Variants in PPARGC1A observed in about 807,000 individuals in gnomAD.
The protein encoded by PPARGC1A is PPARG coactivator 1 alpha.
In PPARGC1A, 25 loss-of-function variants were observed where a neutral mutation model predicts 88.7. The observed-to-expected ratio is 0.28, with a 90% CI of 0.21 to 0.39. PPARGC1A has a LOEUF of 0.39. PPARGC1A is among the 10% of genes least tolerant of loss of function. The pLI, the probability that PPARGC1A is intolerant of heterozygous loss-of-function variation, is 1.00. For missense variants in PPARGC1A, 880 were observed against 968.7 expected, an observed-to-expected ratio of 0.91 and a Z score of 1.22; for synonymous variants, 363 against 355.6, an observed-to-expected ratio of 1.02 and a Z score of -0.24.
At chr4:24,325,547 C>G in the PPARGC1A span, among the ~76,000 whole-genome samples, 3 of 152,156 alleles carry the variant, frequency 2.0e-5, no homozygotes, top group Non-Finnish European at 4.4e-5. Flanking sequence ...CCTCCTAAGC[C>G]TTGTCCCATC....
At chr4:23,986,478 G>A in the PPARGC1A span, among the ~76,000 whole-genome samples, 3 of 152,066 alleles carry the variant, frequency 2.0e-5, no homozygotes, top group Non-Finnish European at 4.4e-5. Flanking sequence ...GCCAGCTTAC[G>A]CAGTCAGCAC....
chr4:24,224,012 T>C, the PPARGC1A span, among the ~76,000 whole-genome samples: 11 of 152,224 alleles, frequency 7.2e-5, no homozygotes, highest in Non-Finnish European at 1.6e-4. Context: ...TTCTTATTGA[T>C]GATAAGCCAA....
chr4:24,428,124 CA>C, the PPARGC1A span, among the ~76,000 whole-genome samples: 477 of 136,674 alleles, frequency 3.5e-3, 2 homozygotes, highest in East Asian at 8.1e-3. Flanking sequence ...ACCCTGTCTC[CA>C]AAAAAAAAAA....
chr4:23,900,045 C>A (rs577151622), upstream of PPARGC1A, among the ~76,000 whole-genome samples: 1 of 152,030 alleles, frequency 6.6e-6, no homozygotes, highest in Non-Finnish European at 1.5e-5. Context: ...GTCCAACTTA[C>A]CTCCTTAAAG....
At chr4:24,403,809 A>ATC in the PPARGC1A span, among the ~76,000 whole-genome samples, 2 of 151,792 alleles carry the variant, frequency 1.3e-5, no homozygotes, top group Non-Finnish European at 2.9e-5. Flanking sequence ...AACCTTGATC[A>ATC]TCTCTCTCTC....
chr4:24,116,782 T>C, the PPARGC1A span, among the ~76,000 whole-genome samples: 2 of 152,218 alleles, frequency 1.3e-5, no homozygotes, highest in Non-Finnish European at 2.9e-5. Flanking sequence ...GACTGGATTC[T>C]GTGAAAACTT....
chr4:23,837,924 C>T (rs780286315), intron 2 of PPARGC1A, among the ~76,000 whole-genome samples: 4 of 152,082 alleles, frequency 2.6e-5, no homozygotes, highest in Admixed American at 6.5e-5. Context: ...CAGAAATGTA[C>T]AGATTTTGGT....
the PPARGC1A span, among the ~76,000 whole-genome samples, chr4:24,268,173 C>G: frequency 1.3e-5 from 2 of 152,206 alleles, no homozygotes; most frequent in Non-Finnish European, 2.9e-5. Context: ...TAATGACCCT[C>G]TACTATAAAG....
At chr4:24,207,735 G>GT in the PPARGC1A span, among the ~76,000 whole-genome samples, 2 of 151,980 alleles carry the variant, frequency 1.3e-5, no homozygotes, top group Non-Finnish European at 2.9e-5. Context: ...AAAACTTATT[G>GT]TTTTTTTCTG....
chr4:24,337,550 A>C, the PPARGC1A span, among the ~76,000 whole-genome samples: 1 of 152,134 alleles, frequency 6.6e-6, no homozygotes, highest in Non-Finnish European at 1.5e-5. Flanking sequence ...AGGAGCCCCT[A>C]CTGAGCGTGG....
the PPARGC1A span, among the ~76,000 whole-genome samples, chr4:24,143,268 G>A: frequency 8.2e-4 from 125 of 152,280 alleles, 1 homozygote; most frequent in Middle Eastern, 6.8e-3. Flanking sequence ...ATGTCATGGT[G>A]TAGGGACAGA....
chr4:24,439,079 C>A, the PPARGC1A span, among the ~76,000 whole-genome samples: 1 of 152,066 alleles, frequency 6.6e-6, no homozygotes, highest in Non-Finnish European at 1.5e-5. Flanking sequence ...CCTTCCCTCT[C>A]CCCCACAGCT....
chr4:23,952,135 A>T, the PPARGC1A span, among the ~76,000 whole-genome samples: 1 of 152,118 alleles, frequency 6.6e-6, no homozygotes, highest in East Asian at 1.9e-4. Flanking sequence ...CTCAGAATCT[A>T]CCACTAGAAG....
the PPARGC1A span, among the ~76,000 whole-genome samples, chr4:24,453,241 G>A: frequency 2.0e-5 from 3 of 152,174 alleles, no homozygotes; most frequent in Admixed American, 6.5e-5. Context: ...TTCAACCTTC[G>A]GAACTGTGAG....
intron 12 of PPARGC1A, among the ~76,000 whole-genome samples, chr4:23,799,810 C>T (rs1195519699): frequency 6.6e-6 from 1 of 152,092 alleles, no homozygotes; most frequent in Non-Finnish European, 1.5e-5. Flanking sequence ...GATCTAAAGG[C>T]CCCTCTAGGT....
At chr4:24,085,299 T>C in the PPARGC1A span, among the ~76,000 whole-genome samples, 1 of 152,210 alleles carries the variant, frequency 6.6e-6, no homozygotes, top group Non-Finnish European at 1.5e-5. Context: ...TTTCTGTTAA[T>C]GACAATAAAA....
chr4:24,266,940 T>C, the PPARGC1A span, among the ~76,000 whole-genome samples: 4 of 152,198 alleles, frequency 2.6e-5, no homozygotes, highest in African/African-American at 7.2e-5. Flanking sequence ...TAGAATGGTC[T>C]GCTTCAGTTT....
At chr4:23,873,623 AGAT>A (rs33910919) in intron 2 of PPARGC1A, among the ~76,000 whole-genome samples, 95,648 of 151,560 alleles carry the variant, frequency 0.63, 30,684 homozygotes, top group Middle Eastern at 0.7. Flanking sequence ...GCATCTCTTT[AGAT>A]GATTCTCTAT....
chr4:23,962,143 A>T, the PPARGC1A span, among the ~76,000 whole-genome samples: 1 of 152,090 alleles, frequency 6.6e-6, no homozygotes, highest in East Asian at 1.9e-4. Context: ...AATAACAACA[A>T]GGGAAAGTAG....
Sources: gnomAD v4.1 joint callset for allele counts (sites outside exome capture counted in the v4.1 genomes callset) on GRCh38, gnomAD v4.1.1 for gene constraint, MANE v1.5 for transcripts, NCBI Gene and HGNC (gene_info 2026-07-23, HGNC 2026-07-21) for gene names.